ELMO1: variants seen among roughly 807,000 people sequenced by gnomAD.
ELMO1 encodes the protein engulfment and cell motility 1, also known as engulfment and cell motility protein 1.
Under a neutral mutation model 98.9 loss-of-function variants are expected in ELMO1, and 26 were observed. The ratio of observed to expected loss-of-function variants is 0.26; its 90% CI spans 0.19 to 0.36. The LOEUF (loss-of-function observed/expected upper bound fraction) is 0.36. Ranked by LOEUF, ELMO1 falls within the 10% of genes least tolerant of loss-of-function variation. ELMO1 has a pLI of 1.00. For missense variants in ELMO1, 627 were observed against 935.2 expected (o/e 0.67, Z 4.30); for synonymous variants, 346 against 346.0 (o/e 1.00, Z 0.00).
At chr7:36,961,674 C>G (rs1324076555) in intron 16 of ELMO1, among the ~76,000 whole-genome samples, 5 of 152,040 alleles carry the variant, frequency 3.3e-5, no homozygotes, top group Non-Finnish European at 7.4e-5. Context: ...GAATACCTTG[C>G]CTATAAGAAA....
chr7:37,299,197 G>A (rs897440587), intron 4 of ELMO1, among the ~76,000 whole-genome samples: 3 of 66,498 alleles, frequency 4.5e-5, no homozygotes, highest in Non-Finnish European at 9.2e-5. Flanking sequence ...GTAGATTCTG[G>A]GTATTAGCCC....
At chr7:37,101,384 G>T (rs1784633017) in intron 14 of ELMO1, among the ~76,000 whole-genome samples, 1 of 152,156 alleles carries the variant, frequency 6.6e-6, no homozygotes, top group African/African-American at 2.4e-5. Flanking sequence ...ACAAATCATG[G>T]AGTCTTTTAT....
chr7:36,862,916 G>A (rs1256179142), intron 20 of ELMO1, among the ~76,000 whole-genome samples: 2 of 152,174 alleles, frequency 1.3e-5, no homozygotes, highest in African/African-American at 4.8e-5. Context: ...AAATGCCCCA[G>A]AAAGATAAAA....
chr7:36,895,882 TTATC>T (rs1400448250), intron 16 of ELMO1, among the ~76,000 whole-genome samples: 5 of 152,212 alleles, frequency 3.3e-5, no homozygotes, highest in African/African-American at 1.2e-4. Context: ...GGTAGGTGCT[TTATC>T]TATGTTTTCT....
chr7:37,272,924 T>A (rs1329081879), intron 4 of ELMO1, among the ~76,000 whole-genome samples: 2 of 152,302 alleles, frequency 1.3e-5, no homozygotes, highest in Non-Finnish European at 1.5e-5. Context: ...TTTGGGGTGA[T>A]GTAAATGTTT....
At chr7:36,877,625 G>A (rs1388601802) in intron 19 of ELMO1, among the ~76,000 whole-genome samples, 1 of 152,184 alleles carries the variant, frequency 6.6e-6, no homozygotes, top group Non-Finnish European at 1.5e-5. Flanking sequence ...AATAAATGTT[G>A]TAGGGGTCAG....
chr7:36,890,556 T>C (rs909141639), intron 17 of ELMO1, among the ~76,000 whole-genome samples: 1 of 152,220 alleles, frequency 6.6e-6, no homozygotes, highest in African/African-American at 2.4e-5. Context: ...TTGACTTCTC[T>C]CTTTCTCTTA....
At chr7:37,150,687 C>G (rs1788299665) in intron 13 of ELMO1, among the ~76,000 whole-genome samples, 1 of 151,944 alleles carries the variant, frequency 6.6e-6, no homozygotes, top group East Asian at 1.9e-4. Context: ...AAGACAAAGA[C>G]TTAGCATAAT....
At chr7:37,110,073 G>A (rs1169535174) in intron 14 of ELMO1, among the ~76,000 whole-genome samples, 1 of 152,210 alleles carries the variant, frequency 6.6e-6, no homozygotes, top group African/African-American at 2.4e-5. Flanking sequence ...AGTGGGTACT[G>A]CAGAGAGGCT....
chr7:37,260,428 G>C (rs886800026), intron 5 of ELMO1, among the ~76,000 whole-genome samples: 1 of 152,248 alleles, frequency 6.6e-6, no homozygotes, highest in East Asian at 1.9e-4. Context: ...AGTGGAGGCA[G>C]GAGAACCACC....
intron 15 of ELMO1, among the ~76,000 whole-genome samples, chr7:37,090,136 A>C (rs1783996690): frequency 6.6e-6 from 1 of 152,200 alleles, no homozygotes; most frequent in African/African-American, 2.4e-5. Context: ...GATGAAAATA[A>C]CTTGGGTCCC....
At chr7:37,025,894 A>ATTCT (rs1322931229) in intron 15 of ELMO1, among the ~76,000 whole-genome samples, 1 of 68,386 alleles carries the variant, frequency 1.5e-5, no homozygotes, top group Non-Finnish European at 3.0e-5. Context: ...TATATTATAT[A>ATTCT]TTCTATCTAT....
chr7:37,314,771 A>G (rs578225573), intron 4 of ELMO1, 79 bp downstream of exon 4: 1 of 1,371,460 alleles, frequency 7.3e-7, no homozygotes, highest in East Asian at 2.4e-5. Flanking sequence ...CTGCATGTCT[A>G]GGCCCGAACA....
intron 12 of ELMO1, among the ~76,000 whole-genome samples, chr7:37,212,597 G>A (rs1055545483): frequency 2.0e-4 from 30 of 152,232 alleles, no homozygotes; most frequent in Middle Eastern, 3.4e-3. Context: ...ATTCTTAACC[G>A]TATGGCCTTG....
At position 36,941,959 on chromosome 7, in the gene ELMO1, C is replaced by G. The variant is rs562340507; in HGVS notation, c.1438-46942G>C. 3.3e-4 allele frequency among the ~76,000 whole-genome samples: 50 copies of G among 152,334 alleles called. No homozygotes were observed. The South Asian group carries it at 9.7e-3, about 30-fold the overall frequency. ...GCTTCCTAAGCCTTTCTGCTTACTC[C>G]ACCCCAGGTGCCTTGGATTTGAAAT... On this transcript the variant is annotated intron_variant, in intron 16 of 21. Coordinates refer to ENST00000310758, the MANE Select transcript of ELMO1 (RefSeq NM_014800.11).
intron 13 of ELMO1, among the ~76,000 whole-genome samples, chr7:37,195,364 T>C (rs745383712): frequency 2.6e-4 from 40 of 152,230 alleles, no homozygotes; most frequent in Non-Finnish European, 4.1e-4. Flanking sequence ...AACAAATGAA[T>C]CAACACATTA....
intron 1 of ELMO1, among the ~76,000 whole-genome samples, chr7:37,427,817 T>A (rs927103690): frequency 1.3e-5 from 2 of 152,214 alleles, no homozygotes; most frequent in Non-Finnish European, 2.9e-5. Flanking sequence ...TGGGCCCTAC[T>A]TTATGGCACA....
At chr7:37,178,464 G>A (rs1392130694) in intron 13 of ELMO1, among the ~76,000 whole-genome samples, 4 of 151,328 alleles carry the variant, frequency 2.6e-5, no homozygotes. Flanking sequence ...AAATTAGCCA[G>A]GCATGGTGGC....
chr7:36,886,898 T>C (rs1473336535), intron 18 of ELMO1, among the ~76,000 whole-genome samples: 1 of 152,226 alleles, frequency 6.6e-6, no homozygotes, highest in Non-Finnish European at 1.5e-5. Flanking sequence ...TCACTGTTAC[T>C]TATATCCACA....
Sources: allele counts gnomAD v4.1 joint callset (sites outside exome capture counted in the v4.1 genomes callset), GRCh38; gene constraint gnomAD v4.1.1; transcripts MANE v1.5; gene names NCBI Gene and HGNC (gene_info 2026-07-23, HGNC 2026-07-21).